SCN1A: variants seen among roughly 807,000 people sequenced by gnomAD.
SCN1A encodes the protein sodium voltage-gated channel alpha subunit 1.
SCN1A carries 13 observed loss-of-function variants against 193.7 expected under a neutral mutation model. The ratio of observed to expected loss-of-function variants is 0.07; its 90% CI spans 0.04 to 0.11. The LOEUF (loss-of-function observed/expected upper bound fraction) is 0.11, where lower values mean the gene tolerates loss of function less well. SCN1A is among the 10% of genes least tolerant of loss of function. The pLI, the probability that SCN1A is intolerant of heterozygous loss-of-function variation, is 1.00. For missense variants in SCN1A, 1,432 were observed against 2,451.1 expected, an observed-to-expected ratio of 0.58 and a Z score of 8.78; for synonymous variants, 781 against 843.6, an observed-to-expected ratio of 0.93 and a Z score of 1.29.
chr2:166,023,848 T>C (rs1694385459), intron 19 of SCN1A, among the ~76,000 whole-genome samples: 1 of 151,700 alleles, frequency 6.6e-6, no homozygotes, highest in Non-Finnish European at 1.5e-5. Context: ...CAATCTCGGC[T>C]CACTGTGACC....
rs1688708880 is a variant in SCN1A at position 165,987,912 on chromosome 2, G to T, written c.*3333C>A. The T allele has an allele frequency of 6.6e-6, 1 of 152,038 alleles. No individual in the cohort carries two copies. The highest frequency in any genetic ancestry group is 1.5e-5 in the Non-Finnish European group (1 of 68,014). 9.4% of individuals were successfully genotyped at this position (152,038 alleles called of 1,614,324 possible). ...TCTGACCTACCTTAGTTGGAAATGG[G>T]AATTTTTTTCAGCTACTAATATATC... On this transcript the variant is annotated 3_prime_UTR_variant, in exon 29 of 29. Transcript: ENST00000674923.
chr2:166,026,722 C>T (rs1417672091), intron 19 of SCN1A, among the ~76,000 whole-genome samples: 2 of 117,646 alleles, frequency 1.7e-5, no homozygotes, highest in Non-Finnish European at 1.6e-5. Flanking sequence ...CTTGCTCTGT[C>T]GCTCAGGCTG....
At position 166,120,586 on chromosome 2, in the gene SCN1A, T is replaced by C. The variant is rs1260193125; in HGVS notation, c.-142+6338A>G. Among the ~76,000 whole-genome samples, 5 of 145,830 alleles carry C rather than the reference T, an allele frequency of 3.4e-5. No individual in the cohort carries two copies. The East Asian group carries it at 1.0e-3, about 30-fold the overall frequency. ...ATTGTGTATGTAGACTGTTTTCTTT[T>C]TTCTTTTCTCTTTTTTTTTTTTTTT... On this transcript the variant is annotated intron_variant, in intron 2 of 28. Transcript: ENST00000674923.
Position 165,987,890 on chromosome 2 carries a change from G to A in SCN1A, c.*3355C>T, listed in dbSNP as rs889132795. 6.6e-6 allele frequency: 1 copy of A among 152,048 alleles called. No individual in the cohort carries two copies. Among genetic ancestry groups the A allele is most frequent in the Non-Finnish European group, 1.5e-5 (1 of 68,002 alleles). 9.4% of individuals were successfully genotyped at this position (152,048 alleles called of 1,614,324 possible). On this transcript the variant is annotated 3_prime_UTR_variant, in exon 29 of 29. Coordinates refer to ENST00000674923, the MANE Select transcript of SCN1A (RefSeq NM_001165963.4). ...TCTGCAGGGTTTATCCTATAATTCT[G>A]ACCTACCTTAGTTGGAAATGGGAAT...
chr2:166,139,589 T>A (rs1011706058), intron 1 of SCN1A, among the ~76,000 whole-genome samples: 5 of 152,230 alleles, frequency 3.3e-5, no homozygotes, highest in Non-Finnish European at 7.3e-5. Context: ...TGTTTTTCTT[T>A]TGTAAATTGC....
chr2:166,026,621 T>C (rs1277048330), intron 19 of SCN1A, among the ~76,000 whole-genome samples: 2 of 151,756 alleles, frequency 1.3e-5, no homozygotes, highest in Admixed American at 6.6e-5. Context: ...TATTCACTAA[T>C]AAAGTAATTT....
At chr2:166,014,288 T>C (rs560764900) in intron 20 of SCN1A, among the ~76,000 whole-genome samples, 1 of 151,682 alleles carries the variant, frequency 6.6e-6, no homozygotes, top group Admixed American at 6.6e-5. Context: ...TTATAAAGGA[T>C]ATAGAGTAAA....
intron 2 of SCN1A, among the ~76,000 whole-genome samples, chr2:166,084,663 G>A (rs1215376517): frequency 6.6e-6 from 1 of 152,088 alleles, no homozygotes; most frequent in Non-Finnish European, 1.5e-5. Flanking sequence ...TCCTTCTTTG[G>A]AAATATCTAC....
chr2:166,032,234 C>CAG (rs1491402400), intron 19 of SCN1A, among the ~76,000 whole-genome samples: 11 of 151,612 alleles, frequency 7.3e-5, no homozygotes, highest in Non-Finnish European at 1.2e-4. Flanking sequence ...CACACACACA[C>CAG]AGAGACAGAG....
At chr2:166,141,977 T>A (rs1455656744) in intron 1 of SCN1A, among the ~76,000 whole-genome samples, 1 of 152,212 alleles carries the variant, frequency 6.6e-6, no homozygotes, top group Non-Finnish European at 1.5e-5. Context: ...TTTTCTTTGT[T>A]GACTGGGAAG....
intron 2 of SCN1A, among the ~76,000 whole-genome samples, chr2:166,115,089 G>A (rs1689703935): frequency 6.6e-6 from 1 of 152,140 alleles, no homozygotes; most frequent in African/African-American, 2.4e-5. Context: ...AAATGAGCTA[G>A]GCACGGTAGC....
intron 7 of SCN1A, chr2:166,053,203 C>T: frequency 1.5e-6 from 1 of 673,056 alleles, no homozygotes; most frequent in East Asian, 2.6e-5. Flanking sequence ...TTTATAAAGA[C>T]CTTCTTGGTG....
chr2:166,023,009 G>C (rs1488340825), intron 19 of SCN1A, among the ~76,000 whole-genome samples: 1 of 151,520 alleles, frequency 6.6e-6, no homozygotes, highest in African/African-American at 2.4e-5. Flanking sequence ...CACACAATAG[G>C]TTAAAAAAAA....
intron 4 of SCN1A, among the ~76,000 whole-genome samples, chr2:166,069,620 T>C (rs189776509): frequency 6.6e-6 from 1 of 152,348 alleles, no homozygotes; most frequent in East Asian, 1.9e-4. Context: ...ACTACTGCAC[T>C]TTAACATAAA....
At chr2:166,011,208 T>A (rs547115) in intron 22 of SCN1A, among the ~76,000 whole-genome samples, 3 of 151,040 alleles carry the variant, frequency 2.0e-5, no homozygotes, top group Admixed American at 1.3e-4. Context: ...TATAATGCAT[T>A]CATGATTCTT....
At chr2:166,045,365 A>G (rs770835788) in intron 12 of SCN1A, 38 bp from the exon 13 acceptor site, 5 of 1,607,428 alleles carry the variant, frequency 3.1e-6, no homozygotes, top group Non-Finnish European at 4.3e-6. Context: ...TAGCACCTGA[A>G]GAGACTGTAT....
At chr2:166,126,460 G>A (rs1448359486) in intron 2 of SCN1A, 1 of 152,182 alleles carries the variant, frequency 6.6e-6, no homozygotes, top group African/African-American at 2.4e-5. Flanking sequence ...GGCGTGCCAG[G>A]TATTGCAGCA....
chr2:166,081,377 A>G (rs1685507874), intron 2 of SCN1A, among the ~76,000 whole-genome samples: 2 of 151,942 alleles, frequency 1.3e-5, no homozygotes, highest in Non-Finnish European at 2.9e-5. Flanking sequence ...CTGGCCTTTT[A>G]TAAGTAAATC....
intron 4 of SCN1A, among the ~76,000 whole-genome samples, chr2:166,072,683 T>A (rs2105977453): frequency 6.6e-6 from 1 of 152,214 alleles, no homozygotes; most frequent in South Asian, 2.1e-4. Context: ...AACTCATGAT[T>A]TTGAGATTTC....
Sources: allele counts gnomAD v4.1 joint callset (sites outside exome capture counted in the v4.1 genomes callset), GRCh38; gene constraint gnomAD v4.1.1; transcripts MANE v1.5; gene names NCBI Gene and HGNC (gene_info 2026-07-23, HGNC 2026-07-21).